FAT1: variants seen among roughly 807,000 people sequenced by gnomAD.
FAT1 encodes the protein FAT atypical cadherin 1.
A neutral mutation model predicts 329.8 loss-of-function variants in FAT1; 171 were observed. The ratio of observed to expected loss-of-function variants is 0.52; its 90% CI spans 0.46 to 0.59. The LOEUF (loss-of-function observed/expected upper bound fraction) is 0.59, where lower values mean the gene tolerates loss of function less well. Among genes scored for constraint, FAT1 ranks in the 20% least tolerant of loss-of-function variants. The probability of loss-of-function intolerance (pLI) is 0.00; values close to 1 mark genes in which losing one functional copy is unlikely to be tolerated. For synonymous variants in FAT1, 2,233 were observed against 2,228.6 expected, an observed-to-expected ratio of 1.00 and a Z score of -0.06; for missense variants, 5,672 against 5,774.4, an observed-to-expected ratio of 0.98 and a Z score of 0.57.
chr4:186,644,322 G>A (rs755887008), intron 3 of FAT1, among the ~76,000 whole-genome samples: 3 of 152,182 alleles, frequency 2.0e-5, no homozygotes, highest in African/African-American at 4.8e-5. Context: ...GCAGAAAAAC[G>A]TATATGCAAC....
intron 1 of FAT1, among the ~76,000 whole-genome samples, chr4:186,719,750 T>A (rs1745379331): frequency 6.6e-6 from 1 of 152,234 alleles, no homozygotes; most frequent in Admixed American, 6.5e-5. Flanking sequence ...CCTTCATTTC[T>A]CAAAAGTTAT....
intron 2 of FAT1, among the ~76,000 whole-genome samples, chr4:186,690,493 G>T (rs1286912287): frequency 6.6e-6 from 1 of 151,990 alleles, no homozygotes; most frequent in African/African-American, 2.4e-5. Context: ...GTCCAGAGTT[G>T]GTGACCAGCC....
At position 186,612,860 on chromosome 4, in the gene FAT1, A is replaced by G. The variant is rs1228005691; in HGVS notation, c.9463+249T>C. The stretch of plus-strand genomic sequence containing the variant: ...CTGATTAATTCAATGGGATGTGAAG[A>G]TCAGTTAATATTCAGTAACCAGAAT... On this transcript the variant is annotated intron_variant, in intron 13 of 26. Transcript: ENST00000441802. Among the ~76,000 whole-genome samples the G allele has an allele frequency of 2.0e-5, 3 of 152,220 alleles. No individual in the cohort carries two copies. In the East Asian group the frequency reaches 5.8e-4, roughly 29 times the overall value.
chr4:186,678,092 A>C (rs1482349046), intron 2 of FAT1, among the ~76,000 whole-genome samples: 3 of 152,232 alleles, frequency 2.0e-5, no homozygotes. Flanking sequence ...TTCTTCTTTA[A>C]TACTAACCAT....
intron 7 of FAT1, 48 bp downstream of exon 7, chr4:186,633,636 G>T (rs184707977): frequency 6.2e-7 from 1 of 1,609,532 alleles, no homozygotes; most frequent in African/African-American, 1.3e-5. Flanking sequence ...AAGTCAGAAC[G>T]TTATCTCCAT....
At chr4:186,633,853 G>A (rs1438837601) in intron 6 of FAT1, 30 bp from the exon 7 acceptor site, 1 of 1,613,438 alleles carries the variant, frequency 6.2e-7, no homozygotes, top group East Asian at 2.2e-5. Flanking sequence ...GTAAAAACAG[G>A]TCACAGGATA....
chr4:186,658,396 C>T (rs10434309), intron 3 of FAT1, among the ~76,000 whole-genome samples: 15,104 of 152,140 alleles, frequency 0.099, 1,409 homozygotes, highest in East Asian at 0.46. Flanking sequence ...TCACTAAACC[C>T]ACTCCTAGAA....
intron 2 of FAT1, among the ~76,000 whole-genome samples, chr4:186,677,476 T>A (rs1400638332): frequency 6.7e-6 from 1 of 148,950 alleles, no homozygotes; most frequent in Non-Finnish European, 1.5e-5. Context: ...ATAACTCCCG[T>A]TTTCTAAATT....
In FAT1 at chr4:186,620,321, C is replaced by G. The variant is rs76613365; in HGVS notation, c.6265G>C (p.Val2089Leu). 7 of 1,613,998 alleles carry G rather than the reference C, an allele frequency of 4.3e-6. No individual in the cohort carries two copies. In the East Asian group the frequency reaches 1.6e-4, roughly 36 times the overall value. The change falls in exon 10 of 27, where the codon GTT (valine) becomes CTT (leucine). Residue 2089 changes from valine to leucine, a missense_variant. Physicochemically the swap from Val to Leu is conservative, Grantham distance 32 (BLOSUM62 1). This residue lies in a region of FAT1 where 3,966 missense variants were observed against 3,915.2 expected (regional missense o/e 1.01). Transcript: ENST00000441802. ...PVFVNLPYYA[V>L]VKVDTEVGHV... ...CCCACCTCAGTGTCCACTTTAACAA[C>G]GGCGTAGTAGGGAAGGTTGACAAAC...
upstream of FAT1, among the ~76,000 whole-genome samples, chr4:186,725,773 C>T (rs1251213044): frequency 2.0e-5 from 3 of 152,192 alleles, no homozygotes; most frequent in Admixed American, 2.0e-4. This position sits in a 1 kb window ranked among gnomAD's most constrained non-coding sequence, Gnocchi z 5.4. Flanking sequence ...TCCCCAAAGG[C>T]TCGTGGAAAT....
At chr4:186,724,383 T>A (rs1317265892), upstream of FAT1, among the ~76,000 whole-genome samples, 2 of 152,052 alleles carry the variant, frequency 1.3e-5, no homozygotes, top group African/African-American at 4.8e-5. This position sits in a 1 kb window ranked among gnomAD's most constrained non-coding sequence, Gnocchi z 5.3. Context: ...TACTTCCTCC[T>A]TCAATCCCCA....
chr4:186,621,169 A>G lies in FAT1; in HGVS notation c.5417T>C (p.Leu1806Ser), dbSNP rs1271804738. Residue 1806 changes from leucine (L) to serine (S), a missense_variant, in exon 10 of 27, where the codon TTG (leucine) becomes TCG (serine). By Grantham distance (145) the Leu-to-Ser change is moderately radical. Around this residue, in one of 2 missense-constraint regions of FAT1, gnomAD observed 3,966 missense variants for 3,915.2 expected, o/e 1.01. Transcript: ENST00000441802. ...TGGTTCAACAATGTGATATACAAGC[A>G]AAGCATTTGAGTCTTTATCAGCATC... ...AADADKDSNA[L>S]LVYHIVEPSV... 2 of 1,613,912 alleles carry G rather than the reference A, an allele frequency of 1.2e-6. No homozygotes were observed. The highest frequency in any genetic ancestry group is 1.7e-5 in the Admixed American group (1 of 60,014).
chr4:186,646,726 GAAAA>G (rs34078009), intron 3 of FAT1, among the ~76,000 whole-genome samples: 3 of 147,606 alleles, frequency 2.0e-5, no homozygotes, highest in Admixed American at 6.7e-5. Context: ...AACCTACATA[GAAAA>G]AAAAAAAAAA....
chr4:186,599,653 G>C (rs920145266), intron 22 of FAT1, among the ~76,000 whole-genome samples: 1 of 152,138 alleles, frequency 6.6e-6, no homozygotes, highest in Non-Finnish European at 1.5e-5. Context: ...CTCCTGCTCG[G>C]GCACTGGGAG....
chr4:186,670,661 T>A (rs1476745924), intron 2 of FAT1, among the ~76,000 whole-genome samples: 1 of 152,226 alleles, frequency 6.6e-6, no homozygotes, highest in Non-Finnish European at 1.5e-5. Flanking sequence ...TAAAATTAAA[T>A]TTTAAAAGTA....
At chr4:186,689,864 C>G (rs1433585505) in intron 2 of FAT1, among the ~76,000 whole-genome samples, 1 of 152,108 alleles carries the variant, frequency 6.6e-6, no homozygotes, top group Non-Finnish European at 1.5e-5. Context: ...TCTTAATATC[C>G]AGAGGAAAAT....
At position 186,611,643 on chromosome 4, in the gene FAT1, A is replaced by G. The variant is rs2126469124; in HGVS notation, c.9596T>C (p.Leu3199Ser). The change falls in exon 14 of 27, where the codon TTG becomes TCG. Residue 3199 changes from leucine (L) to serine (S), a missense_variant. This residue lies in a region of FAT1 where 1,706 missense variants were observed against 1,859.1 expected (regional missense o/e 0.92). Coordinates refer to ENST00000441802, the MANE Select transcript of FAT1 (RefSeq NM_005245.4). ...TGGCAAGCCTTGATCCACAGCTTTC[A>G]AAGAGAGGGTGTATACTGCCTGGAG... is the stretch of plus-strand genomic sequence containing the variant. The part of the protein sequence containing the change: ...RELQAVYTLS[L>S]KAVDQGLPRR... 6.2e-7 allele frequency: 1 copy of G among 1,613,314 alleles called. No homozygotes were observed. The highest frequency in any genetic ancestry group is 8.5e-7 in the Non-Finnish European group (1 of 1,179,572).
At chr4:186,717,168 T>A (rs939566719) in intron 1 of FAT1, among the ~76,000 whole-genome samples, 1 of 145,170 alleles carries the variant, frequency 6.9e-6, no homozygotes, top group African/African-American at 2.9e-5. Flanking sequence ...AAAAAAACTC[T>A]CTATTTTTCT....
chr4:186,661,595 G>A (rs1296026288), intron 3 of FAT1, among the ~76,000 whole-genome samples: 2 of 152,208 alleles, frequency 1.3e-5, no homozygotes, highest in Non-Finnish European at 2.9e-5. Context: ...ATGCCTGTGC[G>A]TGGGACCCTT....
Sources: allele counts gnomAD v4.1 joint callset (sites outside exome capture counted in the v4.1 genomes callset), GRCh38; gene constraint gnomAD v4.1.1; regional missense constraint gnomAD v4.1.1; non-coding constraint Gnocchi (gnomAD v3.1); transcripts MANE v1.5; gene names NCBI Gene and HGNC (gene_info 2026-07-23, HGNC 2026-07-21).